The following RCAN2 variants were observed in gnomAD, a reference collection of about 807,000 sequenced individuals.
RCAN2 encodes the protein calcipressin-2.
RCAN2 carries 9 observed loss-of-function variants against 23.6 expected under a neutral mutation model. That is an observed-to-expected ratio of 0.38 (90% CI 0.23 to 0.67). The LOEUF (loss-of-function observed/expected upper bound fraction) is 0.67, where lower values mean the gene tolerates loss of function less well. RCAN2 is among the 30% of genes least tolerant of loss of function. RCAN2 has a pLI of 0.51. For synonymous variants in RCAN2, 109 were observed against 115.7 expected (o/e 0.94, Z 0.37); for missense variants, 273 against 302.3 (o/e 0.90, Z 0.72).
At chr6:46,419,811 TAA>T (rs1766823327) in intron 2 of RCAN2, among the ~76,000 whole-genome samples, 8 of 152,266 alleles carry the variant, frequency 5.3e-5, no homozygotes, top group Middle Eastern at 3.4e-3. Context: ...AGAACATAAA[TAA>T]GTCAAGCACA....
At chr6:46,462,124 ACCTCC>A (rs1768236628) in intron 1 of RCAN2, among the ~76,000 whole-genome samples, 1 of 63,532 alleles carries the variant, frequency 1.6e-5, no homozygotes, top group Non-Finnish European at 5.5e-5. Context: ...AGTGTATGAA[ACCTCC>A]AGCTTCAAAC....
Position 46,482,896 on chromosome 6 carries a change from G to T in RCAN2, c.-3+8277C>A, listed in dbSNP as rs556598979. On this transcript the variant is annotated intron_variant, in intron 1 of 4. Transcript: ENST00000371374. Reference sequence around the variant, plus strand: ...TTTGTATAAGCATAAGATTTTAAAGGTTATTTTAAGGAACAAAACTGAAAG... The same window carrying T: ...TTTGTATAAGCATAAGATTTTAAAGTTTATTTTAAGGAACAAAACTGAAAG... 1.7e-4 allele frequency among the ~76,000 whole-genome samples: 26 copies of T among 152,264 alleles called. No individual in the cohort carries two copies. In the South Asian group the frequency reaches 4.8e-3, roughly 28 times the overall value.
intron 2 of RCAN2, among the ~76,000 whole-genome samples, chr6:46,272,620 G>A (rs1767557578): frequency 6.6e-6 from 1 of 152,118 alleles, no homozygotes. Context: ...ACATCAAAAT[G>A]TTAAAATGCT....
At chr6:46,451,471 C>T (rs541802216) in intron 2 of RCAN2, among the ~76,000 whole-genome samples, 1 of 152,132 alleles carries the variant, frequency 6.6e-6, no homozygotes, top group Non-Finnish European at 1.5e-5. Context: ...TGAAAAAAGT[C>T]TCAGTTTTCA....
intron 2 of RCAN2, among the ~76,000 whole-genome samples, chr6:46,385,264 T>C (rs1765710700): frequency 6.6e-6 from 1 of 152,130 alleles, no homozygotes; most frequent in Non-Finnish European, 1.5e-5. Flanking sequence ...GAGCATTCAG[T>C]AGCCAAACAG....
chr6:46,252,048 C>T (rs1766745405), intron 2 of RCAN2, among the ~76,000 whole-genome samples: 1 of 151,988 alleles, frequency 6.6e-6, no homozygotes, highest in African/African-American at 2.4e-5. Context: ...CTTTTGGGAC[C>T]TTTATTTGTA....
chr6:46,402,246 T>C (rs1348500392), intron 2 of RCAN2, among the ~76,000 whole-genome samples: 1 of 152,096 alleles, frequency 6.6e-6, no homozygotes, highest in Admixed American at 6.6e-5. Context: ...TGTGTGTGTG[T>C]GTGTTGTATG....
At chr6:46,301,030 G>C (rs553436081) in intron 2 of RCAN2, among the ~76,000 whole-genome samples, 169 of 151,760 alleles carry the variant, frequency 1.1e-3, no homozygotes, top group Non-Finnish European at 1.5e-3. Flanking sequence ...AAAAATCAGC[G>C]TGGGAAAACT....
At chr6:46,381,175 A>T (rs1765607811) in intron 2 of RCAN2, among the ~76,000 whole-genome samples, 1 of 152,196 alleles carries the variant, frequency 6.6e-6, no homozygotes, top group Non-Finnish European at 1.5e-5. Context: ...ATTTCAGAAA[A>T]GATTTCAAAC....
At chr6:46,461,494 G>C (rs1768203678) in intron 1 of RCAN2, among the ~76,000 whole-genome samples, 1 of 151,996 alleles carries the variant, frequency 6.6e-6, no homozygotes. Flanking sequence ...ACATCTTCAT[G>C]AAATACTGGA....
chr6:46,387,116 G>A (rs1420829786), intron 2 of RCAN2, among the ~76,000 whole-genome samples: 1 of 152,134 alleles, frequency 6.6e-6, no homozygotes, highest in Admixed American at 6.5e-5. Context: ...ATGGACTAAA[G>A]ACTTAAATGT....
chr6:46,347,203 G>A (rs1396009289), intron 2 of RCAN2, among the ~76,000 whole-genome samples: 3 of 152,108 alleles, frequency 2.0e-5, no homozygotes, highest in African/African-American at 7.2e-5. Context: ...AGAAAAATTT[G>A]GATAATGCAA....
chr6:46,272,902 C>G (rs148720649), intron 2 of RCAN2, among the ~76,000 whole-genome samples: 1 of 152,128 alleles, frequency 6.6e-6, no homozygotes, highest in Non-Finnish European at 1.5e-5. Context: ...AATGGAGGTT[C>G]CAAGATGTTA....
intron 2 of RCAN2, among the ~76,000 whole-genome samples, chr6:46,283,774 A>C (rs1445062351): frequency 6.6e-6 from 1 of 152,246 alleles, no homozygotes; most frequent in African/African-American, 2.4e-5. Context: ...GTTTTAAAAT[A>C]ACTCTTTACT....
At chr6:46,372,797 A>G (rs1306129399) in intron 2 of RCAN2, among the ~76,000 whole-genome samples, 4 of 152,246 alleles carry the variant, frequency 2.6e-5, no homozygotes, top group Non-Finnish European at 5.9e-5. Context: ...CAAGAAAACA[A>G]CTTCCCATTT....
intron 2 of RCAN2, among the ~76,000 whole-genome samples, chr6:46,365,515 G>GA (rs1765146619): frequency 7.0e-6 from 1 of 143,684 alleles, no homozygotes. Flanking sequence ...AAAAGAAAAA[G>GA]AAAAAAAGAA....
At chr6:46,283,856 G>C (rs1191203335) in intron 2 of RCAN2, among the ~76,000 whole-genome samples, 1 of 152,182 alleles carries the variant, frequency 6.6e-6, no homozygotes, top group Non-Finnish European at 1.5e-5. Flanking sequence ...AGCAAAATGA[G>C]CTTTCCTCGT....
intron 2 of RCAN2, among the ~76,000 whole-genome samples, chr6:46,389,718 C>G (rs957148608): frequency 6.6e-6 from 1 of 152,040 alleles, no homozygotes; most frequent in African/African-American, 2.4e-5. Context: ...CCGCTTGAGG[C>G]TGCTGAGGCC....
intron 2 of RCAN2, among the ~76,000 whole-genome samples, chr6:46,263,940 T>C (rs577110473): frequency 1.3e-5 from 2 of 152,326 alleles, no homozygotes; most frequent in East Asian, 3.9e-4. Flanking sequence ...ATTTATTTAA[T>C]AGCAAGATGC....
Sources: gnomAD v4.1 joint callset for allele counts (sites outside exome capture counted in the v4.1 genomes callset) on GRCh38, gnomAD v4.1.1 for gene constraint, MANE v1.5 for transcripts, NCBI Gene and HGNC (gene_info 2026-07-23, HGNC 2026-07-21) for gene names.